CDH4: variants seen among roughly 807,000 people sequenced by gnomAD.
CDH4 encodes cadherin-4.
A neutral mutation model predicts 86.0 loss-of-function variants in CDH4; 33 were observed. The observed-to-expected ratio is 0.38, with a 90% CI of 0.29 to 0.51. The LOEUF (loss-of-function observed/expected upper bound fraction) is 0.51, where lower values mean the gene tolerates loss of function less well. CDH4 is among the 20% of genes least tolerant of loss of function. CDH4 has a pLI of 0.86. For synonymous variants in CDH4, 555 were observed against 549.4 expected, an observed-to-expected ratio of 1.01 and a Z score of -0.14; for missense variants, 1,114 against 1,307.4, an observed-to-expected ratio of 0.85 and a Z score of 2.28.
At chr20:61,467,204 A>T (rs2085477296) in intron 2 of CDH4, among the ~76,000 whole-genome samples, 1 of 152,234 alleles carries the variant, frequency 6.6e-6, no homozygotes, top group African/African-American at 2.4e-5. Flanking sequence ...CCTCATTAGT[A>T]CAGATTCTCA....
chr20:61,336,719 G>A (rs1445803512), intron 2 of CDH4, among the ~76,000 whole-genome samples: 1 of 152,136 alleles, frequency 6.6e-6, no homozygotes, highest in Non-Finnish European at 1.5e-5. Flanking sequence ...TCAGAGGGTC[G>A]ATTGCCCAAT....
intron 2 of CDH4, among the ~76,000 whole-genome samples, chr20:61,671,675 G>GTGGA (rs536543511): frequency 6.6e-6 from 1 of 151,124 alleles, no homozygotes; most frequent in African/African-American, 2.4e-5. Context: ...TGGATGGATG[G>GTGGA]TGGATGGATG....
intron 2 of CDH4, among the ~76,000 whole-genome samples, chr20:61,629,463 C>T (rs536842955): frequency 6.6e-6 from 1 of 152,190 alleles, no homozygotes. Context: ...CAAAAATGAG[C>T]TGTAATCAAA....
At chr20:61,444,214 A>C in intron 2 of CDH4, among the ~76,000 whole-genome samples, 1 of 17,604 alleles carries the variant, frequency 5.7e-5, no homozygotes, top group East Asian at 1.7e-3. Context: ...GTATCTGTAT[A>C]TGGCTGTGTC....
At chr20:61,374,460 G>A (rs927491169) in intron 2 of CDH4, among the ~76,000 whole-genome samples, 6 of 152,158 alleles carry the variant, frequency 3.9e-5, no homozygotes, top group African/African-American at 9.7e-5. Context: ...GCCCGATCTC[G>A]GGTCCTGGTG....
intron 4 of CDH4, among the ~76,000 whole-genome samples, chr20:61,818,115 T>C (rs1288400165): frequency 6.6e-6 from 1 of 152,104 alleles, no homozygotes. Context: ...CTGCAACCTC[T>C]GCCTCCTGGG....
At position 61,522,878 on chromosome 20, in the gene CDH4, G is replaced by A. The variant is rs190654818; in HGVS notation, c.170-220685G>A. Among the ~76,000 whole-genome samples, 380 of 152,362 alleles carry A rather than the reference G, an allele frequency of 2.5e-3. 10 individuals carry two copies. Among genetic ancestry groups the A allele is most frequent in the Admixed American group, 0.022 (342 of 15,308 alleles). On this transcript the variant is annotated intron_variant, in intron 2 of 15. Coordinates refer to ENST00000614565, the MANE Select transcript of CDH4 (RefSeq NM_001794.5). The stretch of plus-strand genomic sequence containing the variant: ...TCTAACACTTACTACCGGGTGGGCC[G>A]GAGCCCTCTGCAGTGTTCTGCTGTA...
chr20:61,675,663 C>T (rs1427931473), intron 2 of CDH4, among the ~76,000 whole-genome samples: 1 of 24,596 alleles, frequency 4.1e-5, no homozygotes, highest in Non-Finnish European at 7.4e-5. Flanking sequence ...GTGGAAACAA[C>T]CATCGTAGGG....
chr20:61,926,588 C>A (rs1344574980), intron 11 of CDH4, among the ~76,000 whole-genome samples: 1 of 152,176 alleles, frequency 6.6e-6, no homozygotes, highest in African/African-American at 2.4e-5. Context: ...GATTGTGAGC[C>A]CGGGCCAGGC....
rs200905901 is a variant in CDH4, at chr20:61,465,437, T to C, written c.169+210500T>C. Among the ~76,000 whole-genome samples, 4 of 152,262 alleles carry C rather than the reference T, an allele frequency of 2.6e-5. No homozygotes were observed. In the East Asian group the frequency reaches 5.8e-4, roughly 22 times the overall value. On this transcript the variant is annotated intron_variant, in intron 2 of 15. Coordinates refer to ENST00000614565, the MANE Select transcript of CDH4 (RefSeq NM_001794.5). ...AATGTTTTCTAGCAAGTTTCTAGCATATGTATTTACCCGTGATAGTCAAGT... is the reference window on the plus strand; with the variant it reads ...AATGTTTTCTAGCAAGTTTCTAGCACATGTATTTACCCGTGATAGTCAAGT...
intron 2 of CDH4, among the ~76,000 whole-genome samples, chr20:61,478,473 C>T (rs1342480470): frequency 6.6e-6 from 1 of 152,214 alleles, no homozygotes; most frequent in Admixed American, 6.5e-5. Flanking sequence ...GCCAACTCTG[C>T]TTGTCTTCCA....
At chr20:61,884,159 T>C (rs1442764808) in intron 7 of CDH4, among the ~76,000 whole-genome samples, 1 of 152,022 alleles carries the variant, frequency 6.6e-6, no homozygotes, top group Non-Finnish European at 1.5e-5. Flanking sequence ...CTGCTGGAGT[T>C]GGGCTTGTGG....
intron 2 of CDH4, among the ~76,000 whole-genome samples, chr20:61,388,775 C>T (rs773901558): frequency 2.0e-5 from 3 of 152,176 alleles, no homozygotes; most frequent in Non-Finnish European, 4.4e-5. Context: ...ACATTTTTAT[C>T]GTGTGCTTTT....
intron 2 of CDH4, among the ~76,000 whole-genome samples, chr20:61,435,967 C>A (rs184527940): frequency 6.6e-6 from 1 of 152,028 alleles, no homozygotes; most frequent in South Asian, 2.1e-4. Context: ...CACCTCCCCT[C>A]GCCTTCTCCA....
At chr20:61,504,006 C>T (rs531297004) in intron 2 of CDH4, among the ~76,000 whole-genome samples, 4 of 152,304 alleles carry the variant, frequency 2.6e-5, no homozygotes, top group South Asian at 2.1e-4. Context: ...GCCAGAGATA[C>T]GCCCCCATCC....
chr20:61,644,415 G>A (rs1777842112), intron 2 of CDH4, among the ~76,000 whole-genome samples: 1 of 152,336 alleles, frequency 6.6e-6, no homozygotes, highest in Non-Finnish European at 1.5e-5. Flanking sequence ...CAGTGAACCC[G>A]CCTGGTGCCT....
rs535118727 is a variant in CDH4, at chr20:61,800,764, C to T, written c.576+27582C>T. Among the ~76,000 whole-genome samples, 3 of 152,300 alleles carry T rather than the reference C, an allele frequency of 2.0e-5. No individual in the cohort carries two copies. The South Asian group carries it at 6.2e-4, about 32-fold the overall frequency. ...GCCTCTTGGACACACCCCAAGGGGC[C>T]GGGGCTGGGAGACAGATGGGCTGGA... On this transcript the variant is annotated intron_variant, in intron 4 of 15. Transcript: ENST00000614565.
intron 2 of CDH4, among the ~76,000 whole-genome samples, chr20:61,691,794 G>T (rs1238641135): frequency 1.3e-5 from 2 of 152,140 alleles, no homozygotes; most frequent in East Asian, 1.9e-4. Context: ...GATCCCACGG[G>T]CCCACCACCG....
At chr20:61,333,614 C>T (rs2084598447) in intron 2 of CDH4, among the ~76,000 whole-genome samples, 1 of 152,228 alleles carries the variant, frequency 6.6e-6, no homozygotes, top group African/African-American at 2.4e-5. Flanking sequence ...CCCAGAGCCA[C>T]CTGCAAGGAC....
Sources: allele counts gnomAD v4.1 joint callset (sites outside exome capture counted in the v4.1 genomes callset), GRCh38; gene constraint gnomAD v4.1.1; transcripts MANE v1.5; gene names NCBI Gene and HGNC (gene_info 2026-07-23, HGNC 2026-07-21).